LRP1B: variants seen among roughly 807,000 people sequenced by gnomAD.
LRP1B encodes low-density lipoprotein receptor-related protein 1B.
LRP1B carries 217 observed loss-of-function variants against 556.6 expected under a neutral mutation model. That is an observed-to-expected ratio of 0.39 (90% CI 0.35 to 0.44). The LOEUF is 0.44. LRP1B is among the 20% of genes least tolerant of loss of function. The pLI is 1.00. For missense variants in LRP1B, 5,053 were observed against 5,620.8 expected, an observed-to-expected ratio of 0.90 and a Z score of 3.23; for synonymous variants, 2,047 against 1,865.8, an observed-to-expected ratio of 1.10 and a Z score of -2.50.
intron 43 of LRP1B, among the ~76,000 whole-genome samples, chr2:140,568,347 AT>A (rs768639140): frequency 3.3e-5 from 5 of 152,016 alleles, no homozygotes; most frequent in Admixed American, 6.6e-5. Flanking sequence ...AAATAAAAAA[AT>A]ATAACTGAGA....
intron 43 of LRP1B, among the ~76,000 whole-genome samples, chr2:140,590,625 G>A (rs1460680458): frequency 2.0e-5 from 3 of 151,772 alleles, no homozygotes; most frequent in African/African-American, 4.8e-5. Context: ...GGAAGGCCAC[G>A]TGAAGACACA....
At chr2:142,129,357 C>T (rs567562239) in intron 1 of LRP1B, among the ~76,000 whole-genome samples, 1 of 152,312 alleles carries the variant, frequency 6.6e-6, no homozygotes, top group East Asian at 1.9e-4. Flanking sequence ...ATTAGTCCCA[C>T]CACTGGTAGA....
In LRP1B at chr2:141,480,405, G is replaced by T. The variant is rs140468265; in HGVS notation, c.334C>A (p.His112Asn). Residue 112 changes from histidine (H) to asparagine (N), a missense_variant, in exon 3 of 91, where the codon CAT becomes AAT. His to Asn is a moderately conservative substitution (Grantham distance 68, BLOSUM62 1). Transcript: ENST00000389484. ...CCACAAATGGACTCACCCTGACAAT[G>T]TACTCCTTCGTCATACCCATCTGGG... ...DCPDGYDEGV[H>N]CQELLSNCQQ... 2 of 1,613,716 alleles carry T rather than the reference G, an allele frequency of 1.2e-6. No homozygotes were observed. Among genetic ancestry groups the T allele is most frequent in the East Asian group, 4.5e-5 (2 of 44,844 alleles).
At chr2:141,427,794 G>C (rs1173319001) in intron 3 of LRP1B, among the ~76,000 whole-genome samples, 2 of 152,012 alleles carry the variant, frequency 1.3e-5, no homozygotes, top group African/African-American at 4.8e-5. Flanking sequence ...GCTGAAATAA[G>C]AGAAACACTT....
chr2:140,592,881 A>G (rs1053699783), intron 43 of LRP1B, among the ~76,000 whole-genome samples: 1 of 151,994 alleles, frequency 6.6e-6, no homozygotes, highest in African/African-American at 2.4e-5. Flanking sequence ...AGAGGGCTAC[A>G]GTGAGCCTTG....
At chr2:141,369,391 T>C (rs1346206543) in intron 3 of LRP1B, among the ~76,000 whole-genome samples, 1 of 152,136 alleles carries the variant, frequency 6.6e-6, no homozygotes, top group East Asian at 1.9e-4. Flanking sequence ...GTTGTCTTCA[T>C]GAAGTTGAAA....
At chr2:140,898,631 A>G (rs1430088563) in intron 23 of LRP1B, 1 of 369,676 alleles carries the variant, frequency 2.7e-6, no homozygotes, top group East Asian at 7.3e-5. Flanking sequence ...CTCCCCCTGA[A>G]CAACATAAAC....
At position 141,152,090 on chromosome 2, in the gene LRP1B, G is replaced by A. The variant is rs116607187; in HGVS notation, c.1013+36331C>T. Among the ~76,000 whole-genome samples the A allele has an allele frequency of 2.6e-3, 397 of 152,040 alleles. 1 individual carries two copies. The highest frequency in any genetic ancestry group is 7.6e-3 in the African/African-American group (316 of 41,520). On this transcript the variant is annotated intron_variant, in intron 7 of 90. Coordinates refer to ENST00000389484, the MANE Select transcript of LRP1B (RefSeq NM_018557.3). Reference sequence around the variant, plus strand: ...GATCTAACTGGGTCATAATGAAGCCGTTTGCTCACTTCTGTAAATTATTTC... The same window carrying A: ...GATCTAACTGGGTCATAATGAAGCCATTTGCTCACTTCTGTAAATTATTTC...
At chr2:140,473,023 G>A (rs1002775217) in intron 60 of LRP1B, among the ~76,000 whole-genome samples, 1 of 152,014 alleles carries the variant, frequency 6.6e-6, no homozygotes, top group African/African-American at 2.4e-5. Flanking sequence ...TTTTCCACCT[G>A]CAAATAAACA....
chr2:141,469,783 A>C, intron 3 of LRP1B, among the ~76,000 whole-genome samples: 2 of 152,158 alleles, frequency 1.3e-5, no homozygotes, highest in East Asian at 3.9e-4. Flanking sequence ...TTCTCATTGG[A>C]ATGTCCTTTC....
At chr2:140,942,614 G>A (rs1695433147) in intron 20 of LRP1B, among the ~76,000 whole-genome samples, 1 of 152,130 alleles carries the variant, frequency 6.6e-6, no homozygotes, top group South Asian at 2.1e-4. Flanking sequence ...TTTCAAGCCA[G>A]AAGAGATCGT....
At chr2:140,551,720 A>T (rs1210662803) in intron 43 of LRP1B, among the ~76,000 whole-genome samples, 1 of 152,202 alleles carries the variant, frequency 6.6e-6, no homozygotes, top group Non-Finnish European at 1.5e-5. Context: ...ATTCATCCAA[A>T]GTATAATACT....
At chr2:141,773,142 T>A (rs552324191) in intron 2 of LRP1B, among the ~76,000 whole-genome samples, 1 of 152,368 alleles carries the variant, frequency 6.6e-6, no homozygotes, top group Non-Finnish European at 1.5e-5. Flanking sequence ...TGAAGTTAGA[T>A]GACTTCTTCT....
chr2:140,462,177 C>T (rs1252203456), intron 60 of LRP1B, among the ~76,000 whole-genome samples: 2 of 152,108 alleles, frequency 1.3e-5, no homozygotes, highest in Non-Finnish European at 2.9e-5. Flanking sequence ...TTAAGACACT[C>T]CCATTTTTTA....
chr2:141,054,484 C>A (rs980793153), intron 10 of LRP1B, among the ~76,000 whole-genome samples: 3 of 151,868 alleles, frequency 2.0e-5, no homozygotes, highest in South Asian at 2.1e-4. Flanking sequence ...TTTTTAAAAT[C>A]CTTTTTACCA....
At chr2:141,560,686 G>A (rs1344495364) in intron 2 of LRP1B, among the ~76,000 whole-genome samples, 1 of 151,428 alleles carries the variant, frequency 6.6e-6, no homozygotes, top group East Asian at 1.9e-4. Flanking sequence ...GATAAATTGT[G>A]GACATTAAAG....
At chr2:141,151,364 G>A (rs560587187) in intron 7 of LRP1B, among the ~76,000 whole-genome samples, 36 of 152,158 alleles carry the variant, frequency 2.4e-4, no homozygotes, top group African/African-American at 7.7e-4. Context: ...AGCCATGCAG[G>A]CATATCTAAT....
intron 59 of LRP1B, among the ~76,000 whole-genome samples, chr2:140,477,857 A>G (rs902404956): frequency 6.6e-6 from 1 of 152,094 alleles, no homozygotes; most frequent in African/African-American, 2.4e-5. Flanking sequence ...GGGCCCAAAT[A>G]TACCTCTCCA....
At chr2:140,826,638 C>T (rs1411209600) in intron 31 of LRP1B, among the ~76,000 whole-genome samples, 1 of 152,152 alleles carries the variant, frequency 6.6e-6, no homozygotes, top group African/African-American at 2.4e-5. Flanking sequence ...ATCTGCCAGG[C>T]ACCATGCATG....
Sources: allele counts gnomAD v4.1 joint callset (sites outside exome capture counted in the v4.1 genomes callset), GRCh38; gene constraint gnomAD v4.1.1; transcripts MANE v1.5; gene names NCBI Gene and HGNC (gene_info 2026-07-23, HGNC 2026-07-21).